RGS6: variants seen among roughly 807,000 people sequenced by gnomAD.
RGS6 encodes the protein regulator of G protein signaling 6, also known as regulator of G-protein signaling 6.
RGS6 carries 30 observed loss-of-function variants against 78.5 expected under a neutral mutation model. The ratio of observed to expected loss-of-function variants is 0.38; its 90% confidence interval spans 0.29 to 0.52. The LOEUF is 0.52. Among genes scored for constraint, RGS6 ranks in the 20% least tolerant of loss-of-function variants. The pLI, the probability that RGS6 is intolerant of heterozygous loss-of-function variation, is 0.85. For synonymous variants in RGS6, 206 were observed against 206.0 expected (o/e 1.00, Z 0.00); for missense variants, 495 against 609.7 (o/e 0.81, Z 1.98).
intron 2 of RGS6, among the ~76,000 whole-genome samples, chr14:71,975,360 A>G (rs1322301413): frequency 6.6e-6 from 1 of 151,456 alleles, no homozygotes; most frequent in Non-Finnish European, 1.5e-5. Context: ...TTTAAGATTT[A>G]TTTCACTTTG....
the RGS6 span, among the ~76,000 whole-genome samples, chr14:71,898,729 C>T: frequency 6.6e-6 from 1 of 152,052 alleles, no homozygotes; most frequent in Admixed American, 6.5e-5. Context: ...CCTGGGTTCT[C>T]ATTGTTCAAC....
chr14:72,192,558 G>A (rs2097340101), intron 2 of RGS6, among the ~76,000 whole-genome samples: 1 of 152,110 alleles, frequency 6.6e-6, no homozygotes, highest in Non-Finnish European at 1.5e-5. Flanking sequence ...AAGGACAAAG[G>A]GAATTAGGAA....
intron 12 of RGS6, among the ~76,000 whole-genome samples, chr14:72,494,298 T>G (rs1598324329): frequency 1.3e-5 from 2 of 152,250 alleles, no homozygotes; most frequent in South Asian, 4.1e-4. Flanking sequence ...GTAACACAAA[T>G]CTATTTGGAG....
intron 3 of RGS6, among the ~76,000 whole-genome samples, chr14:72,424,291 G>A (rs1566812345): frequency 6.6e-6 from 1 of 152,094 alleles, no homozygotes; most frequent in Non-Finnish European, 1.5e-5. Context: ...TTAGTTTGGG[G>A]GTAAGTTTTC....
At chr14:72,233,314 G>C (rs998061543) in intron 2 of RGS6, among the ~76,000 whole-genome samples, 2 of 152,172 alleles carry the variant, frequency 1.3e-5, no homozygotes, top group Non-Finnish European at 2.9e-5. Context: ...TTTCTTGGGG[G>C]CTGGACTCGA....
At chr14:72,058,310 A>G (rs1041388912) in intron 2 of RGS6, among the ~76,000 whole-genome samples, 1 of 152,204 alleles carries the variant, frequency 6.6e-6, no homozygotes, top group Non-Finnish European at 1.5e-5. Context: ...ATGGGAGTAT[A>G]TGCTCATCCA....
intron 2 of RGS6, among the ~76,000 whole-genome samples, chr14:72,263,008 A>G (rs1212736062): frequency 6.6e-6 from 1 of 152,056 alleles, no homozygotes; most frequent in African/African-American, 2.4e-5. Context: ...GTCTCCCAAG[A>G]GTCAACTCTG....
intron 2 of RGS6, among the ~76,000 whole-genome samples, chr14:71,965,880 A>C (rs1255155066): frequency 6.6e-6 from 1 of 152,230 alleles, no homozygotes; most frequent in Non-Finnish European, 1.5e-5. Context: ...TCTGGATTAA[A>C]AATGACTTGG....
At chr14:72,100,550 G>A (rs758281436) in intron 2 of RGS6, among the ~76,000 whole-genome samples, 7 of 152,118 alleles carry the variant, frequency 4.6e-5, no homozygotes, top group Non-Finnish European at 8.8e-5. Flanking sequence ...AAGGCATCGT[G>A]CGGACAGGGG....
At chr14:72,310,114 G>A (rs924776740) in intron 2 of RGS6, among the ~76,000 whole-genome samples, 1 of 152,136 alleles carries the variant, frequency 6.6e-6, no homozygotes, top group Non-Finnish European at 1.5e-5. Flanking sequence ...TGACCCTCCA[G>A]CACCTTCTCC....
intron 2 of RGS6, among the ~76,000 whole-genome samples, chr14:72,231,569 C>G (rs887706064): frequency 6.6e-6 from 1 of 152,214 alleles, no homozygotes; most frequent in Non-Finnish European, 1.5e-5. Context: ...GCAAGCAACA[C>G]TAGCCCCAGG....
rs2096125469 is a variant in RGS6, at chr14:72,472,944, C to T, written c.609C>T (p.His203=). The part of the protein sequence containing the change: ...DSQERAFWDV[H]RPVPGCVNTT... ...AAGAACGAGCCTTTTGGGATGTCCACAGGCCTGTGGTGAGAAAGCGCTACT... is the reference window on the plus strand; with the variant it reads ...AAGAACGAGCCTTTTGGGATGTCCATAGGCCTGTGGTGAGAAAGCGCTACT... Residue 203 remains histidine, a synonymous_variant, in exon 9 of 18, where the codon CAC becomes CAT. Transcript: ENST00000553525. 1 of 1,610,332 alleles carries T rather than the reference C, an allele frequency of 6.2e-7. No homozygotes were observed. The highest frequency in any genetic ancestry group is 8.5e-7 in the Non-Finnish European group (1 of 1,178,310).
intron 2 of RGS6, among the ~76,000 whole-genome samples, chr14:72,000,529 C>A (rs540605751): frequency 5.9e-5 from 9 of 152,180 alleles, no homozygotes; most frequent in Admixed American, 2.0e-4. Context: ...GATAGAGAGC[C>A]AAGTAAGAGC....
chr14:72,481,022 A>G (rs555876176), intron 12 of RGS6, among the ~76,000 whole-genome samples: 1 of 152,254 alleles, frequency 6.6e-6, no homozygotes, highest in East Asian at 1.9e-4. Flanking sequence ...TTTGCAAACT[A>G]AAGGGGCAGA....
At chr14:72,130,112 TCA>T (rs1341614884) in intron 2 of RGS6, among the ~76,000 whole-genome samples, 1 of 152,192 alleles carries the variant, frequency 6.6e-6, no homozygotes, top group South Asian at 2.1e-4. Flanking sequence ...CTAGAATGAC[TCA>T]CAGAACTAAG....
intron 2 of RGS6, among the ~76,000 whole-genome samples, chr14:71,966,449 AC>A (rs1447479954): frequency 6.6e-6 from 1 of 152,272 alleles, no homozygotes; most frequent in East Asian, 1.9e-4. Context: ...AGTGAAACAT[AC>A]AGAATAATAG....
intron 2 of RGS6, among the ~76,000 whole-genome samples, chr14:72,228,689 C>T (rs923334783): frequency 1.3e-5 from 2 of 152,192 alleles, no homozygotes; most frequent in East Asian, 3.9e-4. Context: ...GTGGAGCAGG[C>T]AGGTTAGGGA....
chr14:72,563,562 C>T lies in RGS6; in HGVS notation c.*1095C>T, dbSNP rs1035104042. ...CAGGCCACAGGGCTCTCCTCCCAGT[C>T]TTTATCTGAAGGCCCAGCCAAAGCA... On this transcript the variant is annotated 3_prime_UTR_variant, in exon 18 of 18. Coordinates refer to ENST00000553525, the MANE Select transcript of RGS6 (RefSeq NM_001204424.2). The T allele has an allele frequency of 6.6e-6, 1 of 152,494 alleles. No individual in the cohort carries two copies. The allele number at this position is 152,494 out of a possible 1,614,324, so 9.4% of individuals were successfully genotyped here. A position where few individuals can be genotyped will look rare whatever the true frequency, so the allele number is the denominator to read the frequency against.
At chr14:72,614,880 T>C in the RGS6 span, among the ~76,000 whole-genome samples, 185 of 151,112 alleles carry the variant, frequency 1.2e-3, no homozygotes, top group African/African-American at 4.2e-3. Flanking sequence ...TCTGCCTTTT[T>C]CCACCAGAGA....
Sources: allele counts gnomAD v4.1 joint callset (sites outside exome capture counted in the v4.1 genomes callset), GRCh38; gene constraint gnomAD v4.1.1; transcripts MANE v1.5; gene names NCBI Gene and HGNC (gene_info 2026-07-23, HGNC 2026-07-21).